C1orf21: variants seen among roughly 807,000 people sequenced by gnomAD.
C1orf21 encodes uncharacterized protein C1orf21.
A neutral mutation model predicts 18.7 loss-of-function variants in C1orf21; 3 were observed. The ratio of observed to expected loss-of-function variants is 0.16; its 90% CI spans 0.07 to 0.42. C1orf21 has a LOEUF of 0.42. C1orf21 is among the 10% of genes least tolerant of loss of function. The pLI, the probability that C1orf21 is intolerant of heterozygous loss-of-function variation, is 0.99. For missense variants in C1orf21, 104 were observed against 143.6 expected, an observed-to-expected ratio of 0.72 and a Z score of 1.41; for synonymous variants, 41 against 46.4, an observed-to-expected ratio of 0.88 and a Z score of 0.47.
At chr1:184,423,902 A>ATCCATCC in intron 1 of C1orf21, among the ~76,000 whole-genome samples, 1 of 129,460 alleles carries the variant, frequency 7.7e-6, no homozygotes, top group Non-Finnish European at 1.6e-5. Flanking sequence ...TCCATCCATC[A>ATCCATCC]ATCTATCATT....
At chr1:184,507,821 A>C in intron 3 of C1orf21, 139 bp downstream of exon 3, 1 of 650,298 alleles carries the variant, frequency 1.5e-6, no homozygotes, top group Non-Finnish European at 2.6e-6. Flanking sequence ...GCTTGCCTGG[A>C]AGCTGCACCA....
intron 4 of C1orf21, among the ~76,000 whole-genome samples, chr1:184,593,128 A>G (rs1659463109): frequency 6.6e-6 from 1 of 152,218 alleles, no homozygotes; most frequent in African/African-American, 2.4e-5. Flanking sequence ...AGTTATAAAG[A>G]GAGATTGAAT....
chr1:184,557,345 C>T (rs751728545), intron 3 of C1orf21, among the ~76,000 whole-genome samples: 1 of 152,058 alleles, frequency 6.6e-6, no homozygotes. Context: ...TTGGTGCACC[C>T]ATCACCCGAG....
intron 1 of C1orf21, among the ~76,000 whole-genome samples, chr1:184,466,792 A>G (rs559310327): frequency 2.1e-4 from 32 of 152,064 alleles, no homozygotes; most frequent in Admixed American, 1.7e-3. Context: ...CCTGGATTCT[A>G]TTGGAAAGTG....
chr1:184,569,436 C>T (rs1659079499), intron 3 of C1orf21, among the ~76,000 whole-genome samples: 1 of 152,238 alleles, frequency 6.6e-6, no homozygotes, highest in African/African-American at 2.4e-5. Context: ...ACTTGCCTTA[C>T]ACTTTGTCAG....
At chr1:184,598,317 T>G in intron 4 of C1orf21, 84 bp from the exon 5 acceptor site, 2 of 1,270,328 alleles carry the variant, frequency 1.6e-6, no homozygotes, top group Non-Finnish European at 2.2e-6. Context: ...TTCCCCAAAG[T>G]TTGGGGACTC....
chr1:184,530,510 T>C (rs186870436), intron 3 of C1orf21, among the ~76,000 whole-genome samples: 4 of 152,250 alleles, frequency 2.6e-5, no homozygotes, highest in Admixed American at 6.5e-5. Flanking sequence ...TATAAGTAAT[T>C]CTGTGCCTTT....
intron 1 of C1orf21, among the ~76,000 whole-genome samples, chr1:184,396,820 A>G (rs1300754631): frequency 6.6e-6 from 1 of 152,178 alleles, no homozygotes; most frequent in African/African-American, 2.4e-5. Flanking sequence ...GATTAATGCT[A>G]ATAACATCCC....
chr1:184,478,772 T>C (rs1657609945), intron 2 of C1orf21, among the ~76,000 whole-genome samples: 1 of 152,230 alleles, frequency 6.6e-6, no homozygotes, highest in African/African-American at 2.4e-5. Flanking sequence ...TTTGTGGAAT[T>C]ATTTTAACAA....
intron 1 of C1orf21, among the ~76,000 whole-genome samples, chr1:184,447,375 G>A (rs1014765458): frequency 2.6e-5 from 4 of 152,196 alleles, no homozygotes; most frequent in African/African-American, 9.6e-5. Context: ...GTTACAGACA[G>A]CCTTAGTGCA....
In C1orf21 at chr1:184,545,509, T is replaced by C. The variant is rs185160591; in HGVS notation, c.189+37827T>C. Among the ~76,000 whole-genome samples the C allele has an allele frequency of 9.9e-4, 151 of 152,260 alleles. 2 individuals carry two copies. The highest frequency in any genetic ancestry group is 7.1e-3 in the Admixed American group (109 of 15,300). On this transcript the variant is annotated intron_variant, in intron 3 of 5. Coordinates refer to ENST00000235307, the MANE Select transcript of C1orf21 (RefSeq NM_030806.4). ...GGGAGAAATTTTTAGAAATTTAGAATTGAGGCACCTAAGTCTGTACCGATG... is the reference window on the plus strand; with the variant it reads ...GGGAGAAATTTTTAGAAATTTAGAACTGAGGCACCTAAGTCTGTACCGATG...
At chr1:184,449,407 C>G (rs953885022) in intron 1 of C1orf21, among the ~76,000 whole-genome samples, 4 of 152,138 alleles carry the variant, frequency 2.6e-5, no homozygotes, top group Admixed American at 6.6e-5. Flanking sequence ...GCATAGTATT[C>G]CATGGTGTAT....
chr1:184,561,702 A>G (rs780828097), intron 3 of C1orf21, among the ~76,000 whole-genome samples: 2 of 151,998 alleles, frequency 1.3e-5, no homozygotes, highest in Non-Finnish European at 2.9e-5. Context: ...ACTGCAAACT[A>G]CACCTTCCGG....
intron 3 of C1orf21, among the ~76,000 whole-genome samples, chr1:184,529,860 A>G (rs1042458945): frequency 1.3e-5 from 2 of 152,176 alleles, no homozygotes; most frequent in Non-Finnish European, 2.9e-5. Flanking sequence ...CTATGTGGGT[A>G]TTAACTTAGT....
chr1:184,557,604 T>C (rs1658897212), intron 3 of C1orf21, among the ~76,000 whole-genome samples: 1 of 152,234 alleles, frequency 6.6e-6, no homozygotes, highest in African/African-American at 2.4e-5. Flanking sequence ...GGCTGAATAG[T>C]ATTCCATGGT....
At chr1:184,507,018 TTAA>T (rs1391149687) in intron 2 of C1orf21, among the ~76,000 whole-genome samples, 1 of 150,758 alleles carries the variant, frequency 6.6e-6, no homozygotes, top group Non-Finnish European at 1.5e-5. Context: ...AATATATATA[TTAA>T]TGTGAAATAA....
At chr1:184,468,820 G>A (rs185162506) in intron 1 of C1orf21, among the ~76,000 whole-genome samples, 2 of 152,286 alleles carry the variant, frequency 1.3e-5, no homozygotes, top group Non-Finnish European at 2.9e-5. Flanking sequence ...TCAGGAGGCT[G>A]AGGCAGAAGA....
In C1orf21 at chr1:184,477,616, A is replaced by C. The variant is rs764475903; in HGVS notation, c.94+13A>C. 1 of 1,609,746 alleles carries C rather than the reference A, an allele frequency of 6.2e-7. No homozygotes were observed. The highest frequency in any genetic ancestry group is 8.5e-7 in the Non-Finnish European group (1 of 1,176,418). Reference sequence around the variant, plus strand: ...GATGTGTTTGGCGGTGAGTCCTATCAAACTTGACTCTTGACCCATTGATTC... The same window carrying C: ...GATGTGTTTGGCGGTGAGTCCTATCCAACTTGACTCTTGACCCATTGATTC... On this transcript the variant is annotated intron_variant, in intron 2 of 5. Transcript: ENST00000235307.
At chr1:184,393,431 A>G (rs1420813414) in intron 1 of C1orf21, among the ~76,000 whole-genome samples, 1 of 152,192 alleles carries the variant, frequency 6.6e-6, no homozygotes, top group African/African-American at 2.4e-5. Flanking sequence ...GGCTCCCGCC[A>G]TCTCAACACA....
Sources: gnomAD v4.1 joint callset for allele counts (sites outside exome capture counted in the v4.1 genomes callset) on GRCh38, gnomAD v4.1.1 for gene constraint, MANE v1.5 for transcripts, NCBI Gene and HGNC (gene_info 2026-07-23, HGNC 2026-07-21) for gene names.